CD109: variants seen among roughly 807,000 people sequenced by gnomAD.
CD109 encodes CD109 molecule, also known as CD109 antigen.
Under a neutral mutation model 165.8 loss-of-function variants are expected in CD109, and 149 were observed. That is an observed-to-expected ratio of 0.90 (90% CI 0.79 to 1.03). CD109 has a LOEUF of 1.03. Ranked by LOEUF, CD109 falls within the 50% of genes least tolerant of loss-of-function variation. The pLI is 0.00. For missense variants in CD109, 1,712 were observed against 1,677.8 expected, an observed-to-expected ratio of 1.02 and a Z score of -0.36; for synonymous variants, 585 against 592.1, an observed-to-expected ratio of 0.99 and a Z score of 0.18.
chr6:73,806,471 C>G (rs1280740862), intron 24 of CD109, among the ~76,000 whole-genome samples: 1 of 152,044 alleles, frequency 6.6e-6, no homozygotes, highest in East Asian at 1.9e-4. Context: ...TGTAACAAAC[C>G]TGCACGTTGT....
chr6:73,777,282 T>A (rs1051173245), intron 15 of CD109, among the ~76,000 whole-genome samples: 1 of 138,008 alleles, frequency 7.2e-6, no homozygotes, highest in African/African-American at 2.8e-5. Context: ...TAAAAAAATT[T>A]TTTTTTTCTT....
chr6:73,696,308 G>GGGGGGCGC lies in CD109; in HGVS notation c.74+21_74+28dup. 4 of 1,413,188 alleles carry GGGGGGCGC rather than the reference G, an allele frequency of 2.8e-6. No homozygotes were observed. The South Asian group carries it at 4.0e-5, about 14-fold the overall frequency. 87.5% of individuals were successfully genotyped at this position (1,413,188 alleles called of 1,614,324 possible). On this transcript the variant is annotated intron_variant, in intron 1 of 32. Coordinates refer to ENST00000287097, the MANE Select transcript of CD109 (RefSeq NM_133493.5). ...CTCCCGGGTAGGAACGTGGGCGCGC[G>GGGGGGCGC]GGGGGCGCGCGGGCGCGCGGGCCTG...
intron 5 of CD109, among the ~76,000 whole-genome samples, chr6:73,741,693 A>G (rs937021378): frequency 5.3e-5 from 8 of 152,080 alleles, no homozygotes; most frequent in Non-Finnish European, 1.0e-4. Context: ...GTTTTTTGAG[A>G]AAGAGTCTCA....
chr6:73,803,689 T>TTGTGTGTGTGTGTGTG (rs71000156), intron 24 of CD109, among the ~76,000 whole-genome samples: 1 of 149,412 alleles, frequency 6.7e-6, no homozygotes, highest in South Asian at 2.1e-4. Flanking sequence ...TAGTTTAAGT[T>TTGTGTGTGTGTGTGTG]TGTGTGTGTG....
At chr6:73,682,138 A>G in the CD109 span, among the ~76,000 whole-genome samples, 1 of 152,068 alleles carries the variant, frequency 6.6e-6, no homozygotes, top group Non-Finnish European at 1.5e-5. Context: ...AGTCCCCTAA[A>G]GTCTTAACTC....
intron 4 of CD109, among the ~76,000 whole-genome samples, chr6:73,731,802 G>A: frequency 6.6e-6 from 1 of 152,130 alleles, no homozygotes; most frequent in East Asian, 1.9e-4. Context: ...AACCTCAAAA[G>A]GTTTTTATGA....
chr6:73,806,881 G>A lies in CD109; in HGVS notation c.2998G>A (p.Asp1000Asn), dbSNP rs1374145575. The A allele has an allele frequency of 3.7e-6, 6 of 1,613,194 alleles. No homozygotes were observed. Among genetic ancestry groups the A allele is most frequent in the Non-Finnish European group, 5.1e-6 (6 of 1,179,660 alleles). Residue 1000 changes from aspartate to asparagine, a missense_variant, in exon 25 of 33, where the codon GAT becomes AAT. Transcript: ENST00000287097. ...TGTTTTAAGATGTTTCCTTGAAGCC[G>A]ATCCTTACATAGATATTGATCAGAA... The part of the protein sequence containing the change: ...AFVLRCFLEA[D>N]PYIDIDQNVL...
chr6:73,771,425 T>G lies in CD109; in HGVS notation c.1675-4T>G, dbSNP rs1389271539. On this transcript the variant is annotated splice_region_variant and splice_polypyrimidine_tract_variant and intron_variant, in intron 14 of 32. Transcript: ENST00000287097. Reference sequence around the variant, plus strand: ...AAGTTAATCCTCCTTTCTCTCTTTTTTAGATAAAGCTATATTGGAGTAAAG... The same window carrying G: ...AAGTTAATCCTCCTTTCTCTCTTTTGTAGATAAAGCTATATTGGAGTAAAG... The G allele has an allele frequency of 1.3e-6, 2 of 1,598,856 alleles. No homozygotes were observed. The highest frequency in any genetic ancestry group is 2.7e-5 in the African/African-American group (2 of 74,148).
At chr6:73,736,768 C>T (rs1319575592) in intron 5 of CD109, among the ~76,000 whole-genome samples, 1 of 152,100 alleles carries the variant, frequency 6.6e-6, no homozygotes, top group African/African-American at 2.4e-5. Flanking sequence ...CATTTTAGTA[C>T]ACAATGTTTA....
intron 15 of CD109, among the ~76,000 whole-genome samples, chr6:73,773,603 A>G (rs1774128252): frequency 6.6e-6 from 1 of 152,082 alleles, no homozygotes; most frequent in Admixed American, 6.6e-5. Context: ...AACTGTACCC[A>G]TATTAATTTA....
At chr6:73,817,432 A>G (rs970705868) in intron 30 of CD109, among the ~76,000 whole-genome samples, 1 of 152,152 alleles carries the variant, frequency 6.6e-6, no homozygotes. Flanking sequence ...AGATGGTTTC[A>G]GTTGCTTCGG....
intron 2 of CD109, among the ~76,000 whole-genome samples, chr6:73,713,340 T>C (rs1180681533): frequency 6.6e-6 from 1 of 152,162 alleles, no homozygotes. Context: ...GCTCCCTGGA[T>C]CCAGCAAGAA....
chr6:73,767,566 A>T (rs10943126), intron 13 of CD109, among the ~76,000 whole-genome samples: 76,569 of 152,012 alleles, frequency 0.5, 19,681 homozygotes, highest in African/African-American at 0.61. Context: ...CTGTCGTTTT[A>T]ACATTGCAAT....
At chr6:73,730,140 C>T (rs1278163513) in intron 3 of CD109, among the ~76,000 whole-genome samples, 1 of 152,104 alleles carries the variant, frequency 6.6e-6, no homozygotes, top group Non-Finnish European at 1.5e-5. Context: ...ATTCCAGGAG[C>T]CCTGTGATGT....
intron 3 of CD109, among the ~76,000 whole-genome samples, chr6:73,726,381 G>C (rs1562032393): frequency 2.0e-5 from 3 of 152,116 alleles, no homozygotes; most frequent in African/African-American, 4.8e-5. Context: ...TGTTCTCTTT[G>C]TCAAATGAAG....
At chr6:73,798,303 C>T (rs1405612422) in intron 23 of CD109, among the ~76,000 whole-genome samples, 4 of 151,906 alleles carry the variant, frequency 2.6e-5, no homozygotes, top group Admixed American at 6.6e-5. Context: ...TTAGTAGAGA[C>T]GGGACTTTGC....
intron 5 of CD109, among the ~76,000 whole-genome samples, chr6:73,739,288 A>T (rs777540689): frequency 9.9e-5 from 15 of 152,182 alleles, no homozygotes; most frequent in Admixed American, 5.2e-4. Context: ...GCCCTTTTAG[A>T]ACCACCAGGG....
rs1302433626 is a variant in CD109 at position 73,827,801 on chromosome 6, T to C, written c.*4168T>C. ...CTGAGTTTCTTACTGCAAAGAACAGTTATAAATTGGTATACATGTGTCTCT... is the reference window on the plus strand; with the variant it reads ...CTGAGTTTCTTACTGCAAAGAACAGCTATAAATTGGTATACATGTGTCTCT... On this transcript the variant is annotated 3_prime_UTR_variant, in exon 33 of 33. Coordinates refer to ENST00000287097, the MANE Select transcript of CD109 (RefSeq NM_133493.5). 1 of 152,208 alleles carries C rather than the reference T, an allele frequency of 6.6e-6. No homozygotes were observed. Among genetic ancestry groups the C allele is most frequent in the African/African-American group, 2.4e-5 (1 of 41,450 alleles). The allele number at this position is 152,208 out of a possible 1,614,324, so 9.4% of individuals were successfully genotyped here.
At chr6:73,682,721 C>G in the CD109 span, among the ~76,000 whole-genome samples, 30 of 152,260 alleles carry the variant, frequency 2.0e-4, no homozygotes, top group Non-Finnish European at 4.4e-4. Context: ...ACTACCCCTA[C>G]AGCAAACTTC....
Sources: allele counts gnomAD v4.1 joint callset (sites outside exome capture counted in the v4.1 genomes callset), GRCh38; gene constraint gnomAD v4.1.1; transcripts MANE v1.5; gene names NCBI Gene and HGNC (gene_info 2026-07-23, HGNC 2026-07-21).